The following ANGPT1 variants were observed in gnomAD, a reference collection of about 807,000 sequenced individuals.
The protein encoded by ANGPT1 is angiopoietin 1.
Under a neutral mutation model 62.2 loss-of-function variants are expected in ANGPT1, and 17 were observed. The observed-to-expected ratio is 0.27, with a 90% CI of 0.19 to 0.41. The LOEUF (loss-of-function observed/expected upper bound fraction) is 0.41. Ranked by LOEUF, ANGPT1 falls within the 10% of genes least tolerant of loss-of-function variation. The probability of loss-of-function intolerance (pLI) is 1.00; values close to 1 mark genes in which losing one functional copy is unlikely to be tolerated. For synonymous variants in ANGPT1, 199 were observed against 198.9 expected, an observed-to-expected ratio of 1.00 and a Z score of 0.00; for missense variants, 478 against 594.9, an observed-to-expected ratio of 0.80 and a Z score of 2.04.
intron 4 of ANGPT1, among the ~76,000 whole-genome samples, chr8:107,303,775 C>A (rs1360170057): frequency 1.3e-5 from 2 of 151,740 alleles, no homozygotes; most frequent in East Asian, 3.9e-4. Context: ...AAAGTGCTAA[C>A]ACACTTTTTG....
intron 1 of ANGPT1, among the ~76,000 whole-genome samples, chr8:107,413,660 ATAT>A (rs932236849): frequency 4.0e-5 from 6 of 150,334 alleles, no homozygotes; most frequent in Non-Finnish European, 5.9e-5. Context: ...TATTAAATTA[ATAT>A]TATAAAATTT....
intron 1 of ANGPT1, among the ~76,000 whole-genome samples, chr8:107,354,661 C>T (rs1462212852): frequency 6.6e-6 from 1 of 152,140 alleles, no homozygotes; most frequent in African/African-American, 2.4e-5. Flanking sequence ...AAGCCCTGGA[C>T]TGGATCATGT....
intron 1 of ANGPT1, among the ~76,000 whole-genome samples, chr8:107,452,201 A>G (rs576344045): frequency 1.3e-5 from 2 of 151,478 alleles, no homozygotes; most frequent in South Asian, 4.1e-4. Flanking sequence ...ACTACCGTCC[A>G]TACAGAGAGA....
chr8:107,253,253 C>T (rs1195220082), intron 8 of ANGPT1, among the ~76,000 whole-genome samples: 1 of 152,052 alleles, frequency 6.6e-6, no homozygotes, highest in African/African-American at 2.4e-5. Context: ...TTAATGTAGT[C>T]AAAACATGAG....
At chr8:107,369,239 T>C (rs906233002) in intron 1 of ANGPT1, among the ~76,000 whole-genome samples, 18 of 152,138 alleles carry the variant, frequency 1.2e-4, no homozygotes, top group African/African-American at 4.3e-4. Flanking sequence ...TCCTTAAACC[T>C]CATGAGCCAC....
rs202002723 is a variant in ANGPT1, at chr8:107,298,635, A to AT, written c.937-4599dup. 3.8e-4 allele frequency among the ~76,000 whole-genome samples: 57 copies of AT among 150,954 alleles called. 1 individual carries two copies. The East Asian group carries it at 8.0e-3, about 21-fold the overall frequency. On this transcript the variant is annotated intron_variant, in intron 5 of 8. Transcript: ENST00000517746. ...TAACATTTCTCTAACTTTCAAAGAC[A>AT]TTTTTTTTTGGCATGGAACAATGTC...
intron 2 of ANGPT1, among the ~76,000 whole-genome samples, chr8:107,340,673 T>G (rs865961939): frequency 2.0e-5 from 3 of 151,504 alleles, no homozygotes; most frequent in Middle Eastern, 3.4e-3. Flanking sequence ...TTTTTTTTTT[T>G]TGTAAAGACA....
intron 3 of ANGPT1, among the ~76,000 whole-genome samples, chr8:107,334,032 A>AGGAG (rs1815498784): frequency 6.7e-6 from 1 of 150,164 alleles, no homozygotes; most frequent in East Asian, 2.0e-4. Flanking sequence ...GAAGGAAGGA[A>AGGAG]GGAAGGATGG....
At chr8:107,276,610 G>C (rs987810725) in intron 7 of ANGPT1, among the ~76,000 whole-genome samples, 1 of 132,646 alleles carries the variant, frequency 7.5e-6, no homozygotes, top group Non-Finnish European at 1.6e-5. Flanking sequence ...TACACGGCAT[G>C]GGAGTACTTT....
chr8:107,336,524 G>A, intron 2 of ANGPT1: 1 of 346,872 alleles, frequency 2.9e-6, no homozygotes, highest in Non-Finnish European at 4.6e-6. Flanking sequence ...ACTTAGCCGG[G>A]CGTGGTAGCG....
chr8:107,277,082 T>C (rs1813883850), intron 7 of ANGPT1, among the ~76,000 whole-genome samples: 3 of 152,194 alleles, frequency 2.0e-5, no homozygotes, highest in Admixed American at 2.0e-4. Context: ...AGTAAGATTA[T>C]AATGACAAGA....
intron 7 of ANGPT1, among the ~76,000 whole-genome samples, chr8:107,277,682 T>G (rs943339651): frequency 6.6e-6 from 1 of 152,210 alleles, no homozygotes; most frequent in East Asian, 1.9e-4. Context: ...TTGGATGTGA[T>G]AGAATGGGAA....
chr8:107,390,415 A>T (rs1349181603), intron 1 of ANGPT1, among the ~76,000 whole-genome samples: 4 of 152,198 alleles, frequency 2.6e-5, no homozygotes, highest in Non-Finnish European at 5.9e-5. Context: ...ATTGAGCTGA[A>T]TACTCTGAAG....
intron 1 of ANGPT1, among the ~76,000 whole-genome samples, chr8:107,421,258 G>GA (rs1288730541): frequency 1.3e-5 from 2 of 152,128 alleles, no homozygotes; most frequent in Non-Finnish European, 2.9e-5. Context: ...CATTGTGAGT[G>GA]AAAAATTGTC....
chr8:107,480,996 T>A (rs544791173), intron 1 of ANGPT1, among the ~76,000 whole-genome samples: 1 of 152,204 alleles, frequency 6.6e-6, no homozygotes, highest in Admixed American at 6.5e-5. Context: ...GTTGACTTTC[T>A]GGAGGACCAA....
intron 5 of ANGPT1, among the ~76,000 whole-genome samples, chr8:107,302,085 C>T (rs138340118): frequency 6.6e-6 from 1 of 152,024 alleles, no homozygotes; most frequent in East Asian, 1.9e-4. Context: ...TTTATTCCAG[C>T]ACATATCTAT....
chr8:107,331,544 C>T (rs1331818819), intron 3 of ANGPT1, among the ~76,000 whole-genome samples: 1 of 152,154 alleles, frequency 6.6e-6, no homozygotes, highest in East Asian at 1.9e-4. Flanking sequence ...AGAGAATCAC[C>T]ATGAACTTGA....
intron 8 of ANGPT1, among the ~76,000 whole-genome samples, chr8:107,261,434 G>C (rs370157719): frequency 5.9e-5 from 9 of 152,220 alleles, no homozygotes; most frequent in African/African-American, 1.9e-4. Flanking sequence ...AGCCGGGCAC[G>C]GTGGCTCACA....
At chr8:107,307,345 T>C (rs1054312838) in intron 4 of ANGPT1, among the ~76,000 whole-genome samples, 5 of 152,112 alleles carry the variant, frequency 3.3e-5, no homozygotes, top group African/African-American at 1.2e-4. Context: ...TTCATTCACT[T>C]TCTCAACCCC....
Sources: allele counts gnomAD v4.1 joint callset (sites outside exome capture counted in the v4.1 genomes callset), GRCh38; gene constraint gnomAD v4.1.1; transcripts MANE v1.5; gene names NCBI Gene and HGNC (gene_info 2026-07-23, HGNC 2026-07-21).